GDA: variants seen among roughly 807,000 people sequenced by gnomAD.
GDA encodes the protein guanine deaminase, also known as cytoplasmic PSD-95 interactor.
In GDA, 18 loss-of-function variants were observed where a neutral mutation model predicts 59.6. The ratio of observed to expected loss-of-function variants is 0.30; its 90% CI spans 0.21 to 0.45. GDA has a LOEUF of 0.45. Among genes scored for constraint, GDA ranks in the 20% least tolerant of loss-of-function variants. The pLI, the probability that GDA is intolerant of heterozygous loss-of-function variation, is 1.00. For synonymous variants in GDA, 201 were observed against 201.1 expected, an observed-to-expected ratio of 1.00 and a Z score of 0.00; for missense variants, 427 against 552.3, an observed-to-expected ratio of 0.77 and a Z score of 2.27.
At chr9:72,134,398 G>A (rs1009884403) in intron 1 of GDA, among the ~76,000 whole-genome samples, 9 of 97,848 alleles carry the variant, frequency 9.2e-5, no homozygotes, top group Non-Finnish European at 1.8e-4. Context: ...GGCCTCCCCC[G>A]CCAACTTTTT....
intron 1 of GDA, among the ~76,000 whole-genome samples, chr9:72,133,919 T>C (rs191165409): frequency 6.6e-6 from 1 of 152,334 alleles, no homozygotes; most frequent in Admixed American, 6.5e-5. Context: ...GAGTGTGCTA[T>C]CATCAGGTTC....
chr9:72,252,314 T>G (rs1182364120), downstream of GDA: 1 of 152,506 alleles, frequency 6.6e-6, no homozygotes, highest in Non-Finnish European at 1.5e-5. Context: ...TTTTTCTTCT[T>G]TTAGCATGAA....
At chr9:72,135,201 T>A (rs1304213811) in intron 1 of GDA, among the ~76,000 whole-genome samples, 2 of 151,082 alleles carry the variant, frequency 1.3e-5, no homozygotes, top group African/African-American at 4.9e-5. Flanking sequence ...AGTATGATTC[T>A]GAACATCATG....
At chr9:72,125,752 T>C (rs1237635480) in intron 1 of GDA, among the ~76,000 whole-genome samples, 2 of 152,162 alleles carry the variant, frequency 1.3e-5, no homozygotes, top group Non-Finnish European at 2.9e-5. Flanking sequence ...AATGAGTCTT[T>C]TCCCCATGTT....
At chr9:72,170,104 A>C (rs1829779588) in intron 1 of GDA, among the ~76,000 whole-genome samples, 1 of 152,234 alleles carries the variant, frequency 6.6e-6, no homozygotes, top group Non-Finnish European at 1.5e-5. Context: ...GGGATATGAC[A>C]AAGAAGATCA....
chr9:72,244,461 AT>A (rs1453596564), intron 11 of GDA, among the ~76,000 whole-genome samples: 1 of 152,180 alleles, frequency 6.6e-6, no homozygotes, highest in African/African-American at 2.4e-5. Context: ...CCTGTGCTCT[AT>A]TTTAGAAGAC....
chr9:72,182,570 G>T (rs768842043), intron 1 of GDA, among the ~76,000 whole-genome samples: 1 of 152,114 alleles, frequency 6.6e-6, no homozygotes, highest in African/African-American at 2.4e-5. Flanking sequence ...TTGGTCACTC[G>T]GCTGAGGTGG....
intron 1 of GDA, among the ~76,000 whole-genome samples, chr9:72,130,480 A>T (rs1587309095): frequency 6.6e-6 from 1 of 152,232 alleles, no homozygotes; most frequent in African/African-American, 2.4e-5. Flanking sequence ...GAGTCTCAAC[A>T]TCTTGCTGAA....
chr9:72,139,771 C>G (rs377536578), intron 1 of GDA, among the ~76,000 whole-genome samples: 1 of 152,174 alleles, frequency 6.6e-6, no homozygotes, highest in Non-Finnish European at 1.5e-5. Context: ...TAGCATCTTA[C>G]TCATAAGAGG....
At chr9:72,241,033 G>A (rs985446459) in intron 10 of GDA, 119 bp from the exon 11 acceptor site, 5 of 599,892 alleles carry the variant, frequency 8.3e-6, no homozygotes, top group African/African-American at 5.7e-5. Flanking sequence ...TTATAGTTAA[G>A]AGCTTTTTAA....
intron 1 of GDA, among the ~76,000 whole-genome samples, chr9:72,167,586 C>T (rs900815112): frequency 7.2e-5 from 11 of 152,340 alleles, no homozygotes; most frequent in African/African-American, 2.6e-4. Context: ...ACTGGTTTTT[C>T]TGCGCCCAGC....
chr9:72,183,063 G>A (rs1260168268), intron 1 of GDA, among the ~76,000 whole-genome samples: 1 of 151,936 alleles, frequency 6.6e-6, no homozygotes, highest in East Asian at 1.9e-4. Context: ...CCTTACCAGA[G>A]CCCTGGAATG....
At chr9:72,118,002 G>A (rs529152472) in intron 1 of GDA, among the ~76,000 whole-genome samples, 2 of 152,066 alleles carry the variant, frequency 1.3e-5, no homozygotes, top group Admixed American at 6.6e-5. Context: ...GCCAGGCGCG[G>A]TGGCTCACGC....
At chr9:72,118,987 A>T (rs1453903238) in intron 1 of GDA, among the ~76,000 whole-genome samples, 1 of 152,208 alleles carries the variant, frequency 6.6e-6, no homozygotes, top group Non-Finnish European at 1.5e-5. Flanking sequence ...TATTTATTGA[A>T]TGGTCACTAA....
chr9:72,250,126 T>C lies in GDA; in HGVS notation c.*1784T>C. 2 of 985,034 alleles carry C rather than the reference T, an allele frequency of 2.0e-6. No homozygotes were observed. Among genetic ancestry groups the C allele is most frequent in the Non-Finnish European group, 1.2e-6 (1 of 829,608 alleles). 61.0% of individuals were successfully genotyped at this position (985,034 alleles called of 1,614,324 possible). On this transcript the variant is annotated 3_prime_UTR_variant, in exon 14 of 14. Coordinates refer to ENST00000358399, the MANE Select transcript of GDA (RefSeq NM_004293.5). ...ATGCCTTGCCAAATTTCTCCCCATT[T>C]CTCTACGGGGCTAGCAAAAATCTTC...
At chr9:72,208,333 C>A (rs1251866637) in intron 3 of GDA, among the ~76,000 whole-genome samples, 4 of 152,188 alleles carry the variant, frequency 2.6e-5, no homozygotes, top group African/African-American at 4.8e-5. Context: ...TAATAACAGG[C>A]AAAACGTAAG....
At chr9:72,135,872 A>G (rs918166417) in intron 1 of GDA, among the ~76,000 whole-genome samples, 1 of 151,906 alleles carries the variant, frequency 6.6e-6, no homozygotes, top group Admixed American at 6.6e-5. Flanking sequence ...TGGCCTCCCA[A>G]AGTGCTGGGA....
At chr9:72,228,474 C>G (rs912949166) in intron 9 of GDA, 1 of 156,954 alleles carries the variant, frequency 6.4e-6, no homozygotes, top group African/African-American at 2.4e-5. Flanking sequence ...GACGGAATGC[C>G]AGCCCACACA....
chr9:72,168,296 A>G (rs1829557619), intron 1 of GDA, among the ~76,000 whole-genome samples: 1 of 150,412 alleles, frequency 6.6e-6, no homozygotes. Context: ...GCTACGCAGG[A>G]GGCTTAGGTA....
Sources: gnomAD v4.1 joint callset for allele counts (sites outside exome capture counted in the v4.1 genomes callset) on GRCh38, gnomAD v4.1.1 for gene constraint, MANE v1.5 for transcripts, NCBI Gene and HGNC (gene_info 2026-07-23, HGNC 2026-07-21) for gene names.